The following PPP2R3A variants were observed in gnomAD, a reference collection of about 807,000 sequenced individuals.
PPP2R3A encodes serine/threonine-protein phosphatase 2A regulatory subunit B'' subunit alpha.
In PPP2R3A, 80 loss-of-function variants were observed where a neutral mutation model predicts 106.9. The ratio of observed to expected loss-of-function variants is 0.75; its 90% confidence interval spans 0.62 to 0.90. PPP2R3A has a LOEUF of 0.90. Among genes scored for constraint, PPP2R3A ranks in the 40% least tolerant of loss-of-function variants. The pLI is 0.00. For missense variants in PPP2R3A, 1,386 were observed against 1,350.4 expected (o/e 1.03, Z -0.41); for synonymous variants, 483 against 468.3 (o/e 1.03, Z -0.41).
intron 1 of PPP2R3A, among the ~76,000 whole-genome samples, chr3:135,993,489 T>C (rs1306574189): frequency 6.6e-6 from 1 of 152,200 alleles, no homozygotes; most frequent in East Asian, 1.9e-4. Flanking sequence ...TTTTGCAGGT[T>C]CTTATAAAGT....
intron 10 of PPP2R3A, among the ~76,000 whole-genome samples, chr3:136,098,596 T>C (rs1331119302): frequency 6.6e-6 from 1 of 152,188 alleles, no homozygotes; most frequent in African/African-American, 2.4e-5. Flanking sequence ...TGCCATGAAT[T>C]TGTGGTTCTT....
Position 136,087,887 on chromosome 3 carries a change from A to C in PPP2R3A, c.2793A>C (p.Ser931=). 1 of 1,609,466 alleles carries C rather than the reference A, an allele frequency of 6.2e-7. No homozygotes were observed. The highest frequency in any genetic ancestry group is 1.3e-5 in the African/African-American group (1 of 74,784). Residue 931 remains serine, a synonymous_variant, in exon 9 of 14, where the codon TCA becomes TCC. Transcript: ENST00000264977. ...TTTTTTTTTATCTACATTTAGCTTC[A>C]TCAAGCAGGATTATTGAAAGGATAT... ...ADLSRYNDQA[S]SSRIIERIFS...
intron 13 of PPP2R3A, among the ~76,000 whole-genome samples, chr3:136,132,235 A>C (rs10935177): frequency 0.38 from 58,198 of 151,974 alleles, 13,725 homozygotes; most frequent in East Asian, 0.81. Flanking sequence ...CACTGTTTCT[A>C]CTCAACAATT....
intron 2 of PPP2R3A, among the ~76,000 whole-genome samples, chr3:136,020,760 A>C (rs1934438065): frequency 6.6e-6 from 1 of 152,242 alleles, no homozygotes; most frequent in East Asian, 1.9e-4. Flanking sequence ...AGAGTGTAAG[A>C]GAAACTATTA....
At chr3:136,063,490 A>G (rs1048737061) in intron 5 of PPP2R3A, among the ~76,000 whole-genome samples, 4 of 152,256 alleles carry the variant, frequency 2.6e-5, no homozygotes, top group Admixed American at 2.6e-4. Context: ...CAGGCAACCT[A>G]TAGAATGGGA....
At chr3:136,051,386 A>G (rs1229058754) in intron 5 of PPP2R3A, among the ~76,000 whole-genome samples, 1 of 152,060 alleles carries the variant, frequency 6.6e-6, no homozygotes, top group Non-Finnish European at 1.5e-5. Flanking sequence ...CTGGAGTGCA[A>G]TGGTGCGATC....
chr3:136,036,007 G>A (rs1017103983), intron 3 of PPP2R3A, among the ~76,000 whole-genome samples: 1 of 151,744 alleles, frequency 6.6e-6, no homozygotes, highest in Non-Finnish European at 1.5e-5. Flanking sequence ...TGCTTGTTCA[G>A]TTCCATTGCT....
At chr3:136,043,186 G>A (rs189035838) in intron 4 of PPP2R3A, among the ~76,000 whole-genome samples, 5 of 152,126 alleles carry the variant, frequency 3.3e-5, no homozygotes, top group South Asian at 2.1e-4. Context: ...ATGGCCGGGC[G>A]TGGTGGCTCA....
intron 5 of PPP2R3A, among the ~76,000 whole-genome samples, chr3:136,065,967 C>G (rs925428826): frequency 5.3e-5 from 8 of 152,148 alleles, no homozygotes; most frequent in African/African-American, 1.7e-4. Context: ...ATCACTGCAC[C>G]TAGCCAGAAG....
chr3:135,967,720 C>A (rs1296634986), intron 1 of PPP2R3A, among the ~76,000 whole-genome samples: 11 of 152,038 alleles, frequency 7.2e-5, no homozygotes, highest in Non-Finnish European at 1.5e-4. Flanking sequence ...TTGCTTGACA[C>A]CCCCCATCCC....
intron 8 of PPP2R3A, among the ~76,000 whole-genome samples, chr3:136,084,276 G>A (rs1936865578): frequency 6.6e-6 from 1 of 152,234 alleles, no homozygotes; most frequent in Admixed American, 6.5e-5. Context: ...ATGGCTTAAA[G>A]GGGCCAACAT....
intron 1 of PPP2R3A, among the ~76,000 whole-genome samples, chr3:135,979,618 A>T (rs1937511904): frequency 6.6e-6 from 1 of 151,828 alleles, no homozygotes; most frequent in Admixed American, 6.5e-5. Flanking sequence ...CTCTCAATCC[A>T]TGTTGTTGCT....
intron 5 of PPP2R3A, among the ~76,000 whole-genome samples, chr3:136,062,485 A>T (rs1936109601): frequency 6.6e-6 from 1 of 150,672 alleles, no homozygotes. Flanking sequence ...GCACTTTGGG[A>T]GGCCAAGGTG....
At chr3:136,053,631 A>G (rs982720236) in intron 5 of PPP2R3A, among the ~76,000 whole-genome samples, 1 of 152,252 alleles carries the variant, frequency 6.6e-6, no homozygotes, top group African/African-American at 2.4e-5. Context: ...GCATAAACAC[A>G]CTAACAAGAC....
Position 136,026,744 on chromosome 3 carries a change from T to C in PPP2R3A, c.1996-88T>C, listed in dbSNP as rs945515263. 1.1e-5 allele frequency: 14 copies of C among 1,255,306 alleles called. No homozygotes were observed. The Admixed American group carries it at 3.1e-4, about 28-fold the overall frequency. 77.8% of individuals were successfully genotyped at this position (1,255,306 alleles called of 1,614,324 possible). On this transcript the variant is annotated intron_variant, in intron 2 of 13. Coordinates refer to ENST00000264977, the MANE Select transcript of PPP2R3A (RefSeq NM_002718.5). ...AGCCCTTAATCTCTCCTGTCTCTGA[T>C]TGTGGTTTCTTATATTGCTGGTGAG...
intron 1 of PPP2R3A, among the ~76,000 whole-genome samples, chr3:135,998,116 C>T (rs905080944): frequency 2.6e-5 from 4 of 152,224 alleles, no homozygotes; most frequent in Admixed American, 2.6e-4. Flanking sequence ...TGTCTCTATA[C>T]GCCCGCCAGT....
At chr3:136,063,482 G>A (rs1936150536) in intron 5 of PPP2R3A, among the ~76,000 whole-genome samples, 1 of 152,174 alleles carries the variant, frequency 6.6e-6, no homozygotes, top group Non-Finnish European at 1.5e-5. Context: ...AGAGTGAACA[G>A]GCAACCTATA....
intron 2 of PPP2R3A, chr3:136,023,215 G>A: frequency 6.6e-7 from 1 of 1,505,730 alleles, no homozygotes; most frequent in Non-Finnish European, 9.1e-7. Flanking sequence ...TGAAATTTGG[G>A]TGTTTTGTTT....
At chr3:136,052,763 T>C (rs183382989) in intron 5 of PPP2R3A, among the ~76,000 whole-genome samples, 3 of 152,322 alleles carry the variant, frequency 2.0e-5, no homozygotes, top group East Asian at 1.9e-4. Flanking sequence ...AGAAATCTTA[T>C]TTGTATTTAA....
Sources: allele counts gnomAD v4.1 joint callset (sites outside exome capture counted in the v4.1 genomes callset), GRCh38; gene constraint gnomAD v4.1.1; transcripts MANE v1.5; gene names NCBI Gene and HGNC (gene_info 2026-07-23, HGNC 2026-07-21).